Variants in SBF2 observed in about 807,000 individuals in gnomAD.
SBF2 encodes myotubularin-related protein 13.
SBF2 carries 112 observed loss-of-function variants against 225.2 expected under a neutral mutation model. That is an observed-to-expected ratio of 0.50 (90% confidence interval 0.43 to 0.58). The LOEUF (loss-of-function observed/expected upper bound fraction) is 0.58. SBF2 is among the 20% of genes least tolerant of loss of function. SBF2 has a pLI of 0.00. For synonymous variants in SBF2, 763 were observed against 773.3 expected (o/e 0.99, Z 0.22); for missense variants, 1,996 against 2,206.2 (o/e 0.90, Z 1.91).
At chr11:9,975,088 C>T (rs1419367363) in intron 13 of SBF2, among the ~76,000 whole-genome samples, 1 of 150,896 alleles carries the variant, frequency 6.6e-6, no homozygotes, top group Non-Finnish European at 1.5e-5. Context: ...AACGTAGACA[C>T]TTGAGAAAAC....
intron 2 of SBF2, among the ~76,000 whole-genome samples, chr11:10,104,122 T>C (rs1403764854): frequency 1.3e-5 from 2 of 151,552 alleles, no homozygotes; most frequent in Non-Finnish European, 1.5e-5. Context: ...GCCATTTCCA[T>C]AAATGTGTGA....
At chr11:10,170,742 AT>A (rs1956150192) in intron 2 of SBF2, among the ~76,000 whole-genome samples, 1 of 152,088 alleles carries the variant, frequency 6.6e-6, no homozygotes, top group East Asian at 1.9e-4. Flanking sequence ...TTTAGGTAGT[AT>A]AAACATTTTA....
intron 1 of SBF2, among the ~76,000 whole-genome samples, chr11:10,299,642 G>A (rs1964577241): frequency 6.6e-6 from 1 of 152,026 alleles, no homozygotes; most frequent in Non-Finnish European, 1.5e-5. Flanking sequence ...CTGAGAGCAG[G>A]CCGTGTGCTA....
chr11:10,001,244 C>T (rs1007738525), intron 7 of SBF2, among the ~76,000 whole-genome samples: 10 of 152,214 alleles, frequency 6.6e-5, no homozygotes, highest in Admixed American at 2.6e-4. Flanking sequence ...TCCAAGCCTG[C>T]TTCCTTAACC....
intron 16 of SBF2, among the ~76,000 whole-genome samples, chr11:9,903,321 C>CA (rs537561647): frequency 1.1e-3 from 155 of 139,780 alleles, no homozygotes; most frequent in Admixed American, 1.5e-3. Flanking sequence ...GATTCCGTCT[C>CA]AAAAAAAAAG....
intron 16 of SBF2, among the ~76,000 whole-genome samples, chr11:9,935,388 T>C (rs1864818709): frequency 6.6e-6 from 1 of 152,106 alleles, no homozygotes; most frequent in African/African-American, 2.4e-5. Flanking sequence ...CCCAAGGTAA[T>C]TTATATATTC....
intron 2 of SBF2, among the ~76,000 whole-genome samples, chr11:10,062,876 G>T (rs1052300497): frequency 6.6e-6 from 1 of 152,122 alleles, no homozygotes; most frequent in East Asian, 1.9e-4. Context: ...CTACCATAAA[G>T]ACCCAGACAC....
intron 1 of SBF2, among the ~76,000 whole-genome samples, chr11:10,201,793 C>T (rs916988612): frequency 3.9e-5 from 6 of 152,114 alleles, no homozygotes; most frequent in African/African-American, 1.2e-4. Flanking sequence ...GTCAGGAGTT[C>T]GAGACCAGCC....
At chr11:10,021,566 C>A (rs1948858117) in intron 6 of SBF2, among the ~76,000 whole-genome samples, 1 of 152,106 alleles carries the variant, frequency 6.6e-6, no homozygotes, top group South Asian at 2.1e-4. Flanking sequence ...ATAATTATTT[C>A]AGAAAAACAC....
intron 17 of SBF2, among the ~76,000 whole-genome samples, chr11:9,892,716 C>T (rs376391743): frequency 5.3e-5 from 8 of 151,968 alleles, no homozygotes; most frequent in Non-Finnish European, 1.5e-5. Context: ...TACGCCACCA[C>T]GCCCGGCTAA....
chr11:10,203,803 A>AG (rs61582137), intron 1 of SBF2, among the ~76,000 whole-genome samples: 30,620 of 151,964 alleles, frequency 0.2, 3,334 homozygotes, highest in East Asian at 0.29. Flanking sequence ...TGGTTGTTAT[A>AG]TGATAGAAAC....
At chr11:9,849,239 A>G (rs1266742905) in intron 22 of SBF2, among the ~76,000 whole-genome samples, 1 of 152,168 alleles carries the variant, frequency 6.6e-6, no homozygotes, top group Non-Finnish European at 1.5e-5. Context: ...AGAACCACTG[A>G]ATTATCACCA....
intron 1 of SBF2, among the ~76,000 whole-genome samples, chr11:10,226,477 C>T (rs1057089396): frequency 7.0e-6 from 1 of 143,382 alleles, no homozygotes; most frequent in African/African-American, 2.5e-5. Flanking sequence ...CTATCCCTCC[C>T]CCCTCCCCAA....
At position 9,779,930 on chromosome 11, in the gene SBF2, G is replaced by A. The variant is rs1254491729; in HGVS notation, c.*488C>T. ...CATCTTTTGGCAGCACCAGAGAACTGAGCATCTCAAAGGTCAGGCATTACA... is the reference window on the plus strand; with the variant it reads ...CATCTTTTGGCAGCACCAGAGAACTAAGCATCTCAAAGGTCAGGCATTACA... On this transcript the variant is annotated 3_prime_UTR_variant, in exon 40 of 40. Coordinates refer to ENST00000256190, the MANE Select transcript of SBF2 (RefSeq NM_030962.4). 4 of 219,516 alleles carry A rather than the reference G, an allele frequency of 1.8e-5. No homozygotes were observed. In the East Asian group the frequency reaches 4.0e-4, roughly 22 times the overall value. The allele number at this position is 219,516 out of a possible 1,614,324, so 13.6% of individuals were successfully genotyped here.
intron 2 of SBF2, among the ~76,000 whole-genome samples, chr11:10,144,229 T>C (rs767878292): frequency 7.9e-5 from 12 of 152,194 alleles, no homozygotes; most frequent in Non-Finnish European, 1.6e-4. Flanking sequence ...GGCTCATGCC[T>C]ATAATCCCAG....
At chr11:10,259,040 G>A (rs1483539283) in intron 1 of SBF2, among the ~76,000 whole-genome samples, 1 of 152,176 alleles carries the variant, frequency 6.6e-6, no homozygotes, top group Non-Finnish European at 1.5e-5. Context: ...CTAGTCCTTG[G>A]ACTTCTATGA....
At chr11:10,088,235 G>T (rs1014540550) in intron 2 of SBF2, among the ~76,000 whole-genome samples, 1 of 151,966 alleles carries the variant, frequency 6.6e-6, no homozygotes, top group Non-Finnish European at 1.5e-5. Context: ...ATGTTGCCCA[G>T]GCTGGTCTCA....
chr11:9,913,141 C>T (rs1278487039), intron 16 of SBF2, among the ~76,000 whole-genome samples: 2 of 151,960 alleles, frequency 1.3e-5, no homozygotes, highest in Admixed American at 6.6e-5. Context: ...AAAATTACCT[C>T]GGTGTGGTGG....
intron 27 of SBF2, among the ~76,000 whole-genome samples, chr11:9,830,610 G>C (rs992589640): frequency 6.6e-6 from 1 of 151,620 alleles, no homozygotes; most frequent in Non-Finnish European, 1.5e-5. Flanking sequence ...TGTAGTGGCG[G>C]GCGCCTGTAA....
Sources: allele counts gnomAD v4.1 joint callset (sites outside exome capture counted in the v4.1 genomes callset), GRCh38; gene constraint gnomAD v4.1.1; transcripts MANE v1.5; gene names NCBI Gene and HGNC (gene_info 2026-07-23, HGNC 2026-07-21).